FAM53B: variants seen among roughly 807,000 people sequenced by gnomAD.
FAM53B encodes family with sequence similarity 53 member B.
Under a neutral mutation model 32.7 loss-of-function variants are expected in FAM53B, and 12 were observed. That is an observed-to-expected ratio of 0.37 (90% CI 0.24 to 0.59). FAM53B has a LOEUF of 0.59. FAM53B is among the 20% of genes least tolerant of loss of function. The pLI is 0.72. For synonymous variants in FAM53B, 234 were observed against 228.7 expected (o/e 1.02, Z -0.21); for missense variants, 477 against 577.7 (o/e 0.83, Z 1.79).
chr10:124,657,042 ATATATATATGTATATATG>A (rs1029869921), intron 4 of FAM53B, among the ~76,000 whole-genome samples: 4 of 146,208 alleles, frequency 2.7e-5, no homozygotes, highest in South Asian at 2.1e-4. Context: ...GTATAAATAT[ATATATATATGTATATATG>A]TATATATATA....
chr10:124,727,749 C>T (rs893414205), intron 1 of FAM53B, among the ~76,000 whole-genome samples: 2 of 152,010 alleles, frequency 1.3e-5, no homozygotes, highest in Non-Finnish European at 2.9e-5. Flanking sequence ...GCATAGGAAC[C>T]GAGATGATGT....
At chr10:124,665,506 A>T (rs1004253763) in intron 4 of FAM53B, among the ~76,000 whole-genome samples, 2 of 152,210 alleles carry the variant, frequency 1.3e-5, no homozygotes, top group African/African-American at 4.8e-5. Flanking sequence ...TGACAGGCAG[A>T]ACTCAAAACG....
intron 3 of FAM53B, among the ~76,000 whole-genome samples, 157 bp downstream of exon 3, chr10:124,696,001 C>T (rs1166450376): frequency 1.3e-5 from 2 of 152,170 alleles, no homozygotes; most frequent in Admixed American, 6.5e-5. Flanking sequence ...ACTCAGGCAC[C>T]GTAGGGGACC....
At chr10:124,668,118 T>C (rs530337616) in intron 4 of FAM53B, among the ~76,000 whole-genome samples, 1 of 152,360 alleles carries the variant, frequency 6.6e-6, no homozygotes, top group African/African-American at 2.4e-5. Flanking sequence ...TGTTCGTAGT[T>C]TTCCCTGCGT....
At position 124,670,296 on chromosome 10, in the gene FAM53B, A is replaced by C. The variant is rs148129105; in HGVS notation, c.906+11311T>G. On this transcript the variant is annotated intron_variant, in intron 4 of 4. Coordinates refer to ENST00000337318, the MANE Select transcript of FAM53B (RefSeq NM_014661.4). ...GTGCCTTCTTGCCGTGACCTCCTTGAACCGGTTTCCCTGGGGCCGTCTGCG... is the reference window on the plus strand; with the variant it reads ...GTGCCTTCTTGCCGTGACCTCCTTGCACCGGTTTCCCTGGGGCCGTCTGCG... Among the ~76,000 whole-genome samples the C allele has an allele frequency of 3.1e-3, 472 of 152,152 alleles. 1 individual carries two copies. The highest frequency in any genetic ancestry group is 0.011 in the African/African-American group (459 of 41,480).
intron 4 of FAM53B, among the ~76,000 whole-genome samples, chr10:124,646,581 T>C (rs1216160319): frequency 2.6e-5 from 4 of 152,224 alleles, no homozygotes; most frequent in South Asian, 2.1e-4. Flanking sequence ...AGGTTCCCGA[T>C]AGGTGCAGGG....
intron 4 of FAM53B, among the ~76,000 whole-genome samples, chr10:124,676,028 C>G (rs979478532): frequency 6.6e-6 from 1 of 152,208 alleles, no homozygotes; most frequent in Non-Finnish European, 1.5e-5. Context: ...GTCAAGAGCA[C>G]GGAAGGAGGA....
chr10:124,688,307 T>C (rs1435870021), intron 3 of FAM53B, among the ~76,000 whole-genome samples: 1 of 152,242 alleles, frequency 6.6e-6, no homozygotes, highest in Non-Finnish European at 1.5e-5. Context: ...CCTGAGAGCA[T>C]GGCACCAGCC....
intron 4 of FAM53B, among the ~76,000 whole-genome samples, chr10:124,653,047 C>T (rs1843888969): frequency 6.6e-6 from 1 of 152,144 alleles, no homozygotes; most frequent in Non-Finnish European, 1.5e-5. Context: ...CCCTTGAGGC[C>T]AGGACAGCAT....
At chr10:124,740,848 C>T (rs1432033241) in intron 1 of FAM53B, among the ~76,000 whole-genome samples, 2 of 152,136 alleles carry the variant, frequency 1.3e-5, no homozygotes, top group Non-Finnish European at 2.9e-5. Context: ...AGCAGCCGGA[C>T]GAGGCAAGGA....
intron 1 of FAM53B, among the ~76,000 whole-genome samples, chr10:124,724,114 A>T (rs1315100088): frequency 6.6e-6 from 1 of 152,230 alleles, no homozygotes; most frequent in Non-Finnish European, 1.5e-5. Context: ...TAATAAATCC[A>T]CAAGGGCAGA....
At chr10:124,629,047 G>T (rs1949373830) in intron 4 of FAM53B, among the ~76,000 whole-genome samples, 1 of 152,252 alleles carries the variant, frequency 6.6e-6, no homozygotes, top group Non-Finnish European at 1.5e-5. Context: ...AGCACCCTGG[G>T]TGTTAATGTA....
At position 124,621,201 on chromosome 10, in the gene FAM53B, G is replaced by C. The variant is rs1414732808; in HGVS notation, c.*2041C>G. 3 of 152,222 alleles carry C rather than the reference G, an allele frequency of 2.0e-5. No individual in the cohort carries two copies. The highest frequency in any genetic ancestry group is 7.2e-5 in the African/African-American group (3 of 41,440). The allele number at this position is 152,222 out of a possible 1,614,324, so 9.4% of individuals were successfully genotyped here. A position where few individuals can be genotyped will look rare whatever the true frequency, so the allele number is the denominator to read the frequency against. Reference sequence around the variant, plus strand: ...CTGCTATAGAGGCTGTGTGCCCTCGGCCACACCGGGCATGTGGTGCCAGGA... The same window carrying C: ...CTGCTATAGAGGCTGTGTGCCCTCGCCCACACCGGGCATGTGGTGCCAGGA... On this transcript the variant is annotated 3_prime_UTR_variant, in exon 5 of 5. Coordinates refer to ENST00000337318, the MANE Select transcript of FAM53B (RefSeq NM_014661.4).
intron 1 of FAM53B, among the ~76,000 whole-genome samples, chr10:124,735,647 T>C (rs1353161429): frequency 6.6e-6 from 1 of 152,262 alleles, no homozygotes; most frequent in Non-Finnish European, 1.5e-5. Flanking sequence ...GCCTGACTCA[T>C]GTCCTTCCAG....
chr10:124,696,311 T>G (rs535318158), intron 2 of FAM53B, 99 bp from the exon 3 acceptor site: 2 of 1,041,182 alleles, frequency 1.9e-6, no homozygotes, highest in African/African-American at 3.2e-5. Flanking sequence ...AAAGGGTGAC[T>G]GTCCTTTGCC....
chr10:124,650,507 CTCTACACCCTT>C (rs1227379798), intron 4 of FAM53B, among the ~76,000 whole-genome samples: 1 of 148,870 alleles, frequency 6.7e-6, no homozygotes, highest in Admixed American at 6.6e-5. Context: ...GTGCTAGGCG[CTCTACACCCTT>C]TGGCCTATGT....
intron 1 of FAM53B, among the ~76,000 whole-genome samples, chr10:124,737,358 A>G (rs1379571030): frequency 1.3e-5 from 2 of 152,020 alleles, no homozygotes; most frequent in Admixed American, 6.5e-5. Context: ...TCACCTTTAC[A>G]AGGTTTCAGC....
chr10:124,707,129 T>C (rs1371176959), intron 1 of FAM53B, among the ~76,000 whole-genome samples: 1 of 152,070 alleles, frequency 6.6e-6, no homozygotes, highest in East Asian at 1.9e-4. Flanking sequence ...GAACAACAAA[T>C]TGGGGTCCAG....
chr10:124,684,939 A>T (rs946239518), intron 3 of FAM53B, among the ~76,000 whole-genome samples: 1 of 152,266 alleles, frequency 6.6e-6, no homozygotes, highest in African/African-American at 2.4e-5. Context: ...ATGTATGATG[A>T]TGTTCATCAA....
Sources: gnomAD v4.1 joint callset for allele counts (sites outside exome capture counted in the v4.1 genomes callset) on GRCh38, gnomAD v4.1.1 for gene constraint, MANE v1.5 for transcripts, NCBI Gene and HGNC (gene_info 2026-07-23, HGNC 2026-07-21) for gene names.